Variants in CERS3 observed in about 807,000 individuals in gnomAD.
CERS3 encodes LAG1 homolog, ceramide synthase 3.
CERS3 carries 33 observed loss-of-function variants against 50.3 expected under a neutral mutation model. The observed-to-expected ratio is 0.66, with a 90% CI of 0.50 to 0.88. The LOEUF is 0.88. Among genes scored for constraint, CERS3 ranks in the 40% least tolerant of loss-of-function variants. The pLI is 0.00. For synonymous variants in CERS3, 176 were observed against 155.2 expected (o/e 1.13, Z -0.99); for missense variants, 470 against 460.3 (o/e 1.02, Z -0.19).
At chr15:100,531,755 G>C (rs1383699253), upstream of CERS3, among the ~76,000 whole-genome samples, 1 of 152,188 alleles carries the variant, frequency 6.6e-6, no homozygotes, top group Non-Finnish European at 1.5e-5. Context: ...CCTTTTATGA[G>C]AAAACGGAAG....
chr15:100,417,032 T>A (rs577220663), intron 11 of CERS3, among the ~76,000 whole-genome samples: 2 of 152,290 alleles, frequency 1.3e-5, no homozygotes, highest in South Asian at 4.1e-4. Flanking sequence ...AGATACCATT[T>A]CACACCAGTC....
chr15:100,446,368 T>TG (rs978940600), intron 11 of CERS3, among the ~76,000 whole-genome samples: 2 of 138,902 alleles, frequency 1.4e-5, no homozygotes, highest in East Asian at 2.1e-4. Flanking sequence ...TCTCAGGTTT[T>TG]TTTTTTTTTT....
intron 11 of CERS3, among the ~76,000 whole-genome samples, chr15:100,424,001 G>C (rs973403919): frequency 3.3e-5 from 5 of 150,970 alleles, no homozygotes; most frequent in Non-Finnish European, 7.4e-5. Context: ...GAGTGCAATG[G>C]CACCATCTCG....
At chr15:100,413,454 G>C (rs921618402) in intron 11 of CERS3, among the ~76,000 whole-genome samples, 2 of 151,890 alleles carry the variant, frequency 1.3e-5, no homozygotes, top group Admixed American at 6.6e-5. Flanking sequence ...GAATGTGATA[G>C]AAAAGCAGGC....
intron 9 of CERS3, among the ~76,000 whole-genome samples, chr15:100,472,286 G>T (rs1567643505): frequency 6.6e-6 from 1 of 152,070 alleles, no homozygotes; most frequent in Non-Finnish European, 1.5e-5. Flanking sequence ...CACTGCCTGG[G>T]GTCAACAAGA....
At chr15:100,427,185 G>A (rs201434958) in intron 11 of CERS3, among the ~76,000 whole-genome samples, 90 of 152,074 alleles carry the variant, frequency 5.9e-4, no homozygotes, top group East Asian at 1.7e-3. Flanking sequence ...TCTGACATAC[G>A]GTCCTCTGCA....
intron 2 of CERS3, among the ~76,000 whole-genome samples, chr15:100,504,287 A>G (rs1385201865): frequency 7.7e-6 from 1 of 130,274 alleles, no homozygotes; most frequent in African/African-American, 3.0e-5. Flanking sequence ...CCTGTTGCCC[A>G]GGCTGGAGTG....
intron 11 of CERS3, among the ~76,000 whole-genome samples, chr15:100,434,929 G>C (rs2142132235): frequency 7.3e-6 from 1 of 137,456 alleles, no homozygotes; most frequent in South Asian, 2.5e-4. Flanking sequence ...AACAAGGGAT[G>C]TCAGAGTTTC....
At chr15:100,442,639 G>A (rs932517810) in intron 11 of CERS3, among the ~76,000 whole-genome samples, 2 of 152,076 alleles carry the variant, frequency 1.3e-5, no homozygotes, top group East Asian at 1.9e-4. Flanking sequence ...CTGTCTATGC[G>A]GGACCCCACT....
intron 11 of CERS3, 98 bp from the exon 12 acceptor site, chr15:100,402,963 G>T (rs2030673938): frequency 8.2e-7 from 1 of 1,223,448 alleles, no homozygotes; most frequent in Non-Finnish European, 1.1e-6. Context: ...TCCCTTTAAG[G>T]AAAACCCAAT....
rs370946573 is a variant in CERS3 at position 100,402,884 on chromosome 15, T to C, written c.1000-19A>G. On this transcript the variant is annotated intron_variant, in intron 11 of 11. Coordinates refer to ENST00000679737, the MANE Select transcript of CERS3 (RefSeq NM_001378789.1). Reference sequence around the variant, plus strand: ...GGATGCTCTAGACAAAGGAAAGAATTGGCTGTGAGTGACAATCTTCCAGGA... The same window carrying C: ...GGATGCTCTAGACAAAGGAAAGAATCGGCTGTGAGTGACAATCTTCCAGGA... 10 of 1,565,118 alleles carry C rather than the reference T, an allele frequency of 6.4e-6. No homozygotes were observed. The African/African-American group carries it at 1.1e-4, about 17-fold the overall frequency.
intron 2 of CERS3, among the ~76,000 whole-genome samples, chr15:100,512,813 CCCCCTCA>C (rs947822269): frequency 6.6e-6 from 1 of 151,958 alleles, no homozygotes; most frequent in African/African-American, 2.4e-5. Context: ...GAAGGGAGAG[CCCCCTCA>C]TTTTCCCTCC....
intron 11 of CERS3, among the ~76,000 whole-genome samples, chr15:100,424,527 T>C (rs1596636525): frequency 2.0e-5 from 3 of 152,290 alleles, no homozygotes; most frequent in Admixed American, 6.5e-5. Context: ...TTCTGGGAAC[T>C]GGAGTAAAGG....
chr15:100,466,904 A>G (rs1437112245), intron 10 of CERS3, among the ~76,000 whole-genome samples: 1 of 126,358 alleles, frequency 7.9e-6, no homozygotes, highest in Non-Finnish European at 1.7e-5. Flanking sequence ...CCCAGGCTGG[A>G]GTGCAGTGGC....
At chr15:100,544,355 A>ACACGGGCCCTCTCTCGGCCTCGACCTGGG (rs1567697106) in intron 1 of CERS3, 2 of 108,728 alleles carry the variant, frequency 1.8e-5, no homozygotes, top group Non-Finnish European at 4.0e-5. Flanking sequence ...CTGGGCCTTG[A>ACACGGGCCCTCTCTCGGCCTCGACCTGGG]CCTGCGCGGG....
intron 4 of CERS3, among the ~76,000 whole-genome samples, chr15:100,486,494 C>T (rs76925458): frequency 1.2e-4 from 18 of 152,300 alleles, no homozygotes; most frequent in East Asian, 9.6e-4. Context: ...TACTGAGTGC[C>T]GTGTCAGTGC....
chr15:100,426,655 C>G (rs2032830064), intron 11 of CERS3, among the ~76,000 whole-genome samples: 3 of 152,172 alleles, frequency 2.0e-5, no homozygotes, highest in Admixed American at 1.3e-4. Context: ...AATACCATAG[C>G]ATTAATTGAA....
At chr15:100,509,056 A>C (rs541712956) in intron 2 of CERS3, among the ~76,000 whole-genome samples, 13 of 152,198 alleles carry the variant, frequency 8.5e-5, no homozygotes, top group Admixed American at 8.5e-4. Context: ...TTTTGCTAAT[A>C]CTATGGAATT....
chr15:100,432,199 C>G (rs1328899499), intron 11 of CERS3, among the ~76,000 whole-genome samples: 2 of 152,082 alleles, frequency 1.3e-5, no homozygotes, highest in Non-Finnish European at 2.9e-5. Flanking sequence ...TCCCAAACAG[C>G]TAGGACTACA....
Sources: allele counts gnomAD v4.1 joint callset (sites outside exome capture counted in the v4.1 genomes callset), GRCh38; gene constraint gnomAD v4.1.1; transcripts MANE v1.5; gene names NCBI Gene and HGNC (gene_info 2026-07-23, HGNC 2026-07-21).